The following TSPAN5 variants were observed in gnomAD, a reference collection of about 807,000 sequenced individuals.
TSPAN5 encodes tetraspanin 5.
In TSPAN5, 10 loss-of-function variants were observed where a neutral mutation model predicts 37.1. The observed-to-expected ratio is 0.27, with a 90% CI of 0.17 to 0.46. The LOEUF (loss-of-function observed/expected upper bound fraction) is 0.46. Among genes scored for constraint, TSPAN5 ranks in the 20% least tolerant of loss-of-function variants. The pLI, the probability that TSPAN5 is intolerant of heterozygous loss-of-function variation, is 1.00. For missense variants in TSPAN5, 195 were observed against 326.6 expected (o/e 0.60, Z 3.11); for synonymous variants, 110 against 118.9 (o/e 0.93, Z 0.48).
chr4:98,576,014 A>G (rs2110188692), intron 1 of TSPAN5, among the ~76,000 whole-genome samples: 2 of 152,266 alleles, frequency 1.3e-5, no homozygotes, highest in African/African-American at 4.8e-5. Context: ...GATTGCAGTA[A>G]GCTGAGATGG....
intron 1 of TSPAN5, among the ~76,000 whole-genome samples, chr4:98,528,945 C>T (rs1346916174): frequency 1.1e-4 from 16 of 152,148 alleles, no homozygotes. Flanking sequence ...GGGAGAGGTA[C>T]TGTTATTATT....
At chr4:98,618,122 G>T (rs956758329) in intron 1 of TSPAN5, among the ~76,000 whole-genome samples, 6 of 152,148 alleles carry the variant, frequency 3.9e-5, no homozygotes, top group African/African-American at 1.4e-4. Context: ...AAGCAAACAG[G>T]TCCATGCATT....
intron 1 of TSPAN5, among the ~76,000 whole-genome samples, chr4:98,525,662 C>T (rs1753945007): frequency 6.6e-6 from 1 of 151,120 alleles, no homozygotes; most frequent in South Asian, 2.1e-4. Context: ...CTGCAACCTC[C>T]ACCTCCTGAG....
intron 1 of TSPAN5, among the ~76,000 whole-genome samples, chr4:98,532,207 GT>G (rs1383581132): frequency 2.6e-5 from 4 of 152,128 alleles, no homozygotes; most frequent in African/African-American, 9.7e-5. Context: ...GTTTAAAGTA[GT>G]TTTTTCCAAT....
At chr4:98,556,035 G>GCCCCCCCCCCCC (rs1336277699) in intron 1 of TSPAN5, among the ~76,000 whole-genome samples, 1 of 47,964 alleles carries the variant, frequency 2.1e-5, no homozygotes, top group South Asian at 8.4e-4. Flanking sequence ...CACACACACA[G>GCCCCCCCCCCCC]CACCCCCACA....
chr4:98,514,175 C>T (rs569358386), intron 1 of TSPAN5, among the ~76,000 whole-genome samples: 1 of 152,064 alleles, frequency 6.6e-6, no homozygotes, highest in Non-Finnish European at 1.5e-5. Flanking sequence ...TTAATCCCTG[C>T]CTGAATAAAC....
chr4:98,624,631 T>C (rs1756553412), intron 1 of TSPAN5, among the ~76,000 whole-genome samples: 1 of 152,156 alleles, frequency 6.6e-6, no homozygotes, highest in South Asian at 2.1e-4. Flanking sequence ...CCACAGTACA[T>C]AAGAAAAAGT....
intron 2 of TSPAN5, among the ~76,000 whole-genome samples, chr4:98,498,472 CAA>C (rs1753265741): frequency 1.3e-5 from 2 of 152,106 alleles, no homozygotes; most frequent in South Asian, 4.2e-4. Flanking sequence ...ATCTGAAAAC[CAA>C]AGTGAGTAGG....
At chr4:98,550,394 A>C (rs998526510) in intron 1 of TSPAN5, among the ~76,000 whole-genome samples, 1 of 151,864 alleles carries the variant, frequency 6.6e-6, no homozygotes, top group Non-Finnish European at 1.5e-5. Context: ...GAATTTTAGG[A>C]TTGGGTTTTT....
At chr4:98,566,826 G>A (rs1363332540) in intron 1 of TSPAN5, among the ~76,000 whole-genome samples, 2 of 152,224 alleles carry the variant, frequency 1.3e-5, no homozygotes, top group Non-Finnish European at 2.9e-5. Context: ...CCCTTGGCAG[G>A]GGCACCGCAC....
chr4:98,470,600 C>T lies in TSPAN5; in HGVS notation c.*1922G>A, dbSNP rs1164623368. ...CAAATGATGCCAACTGGAGAGAGCT[C>T]GTGTCTTCTCCATGTTGGAAGGACA... On this transcript the variant is annotated 3_prime_UTR_variant, in exon 8 of 8. Transcript: ENST00000305798. 1.3e-5 allele frequency: 2 copies of T among 152,134 alleles called. No homozygotes were observed. The highest frequency in any genetic ancestry group is 2.4e-5 in the African/African-American group (1 of 41,412). The allele number at this position is 152,134 out of a possible 1,614,324, so 9.4% of individuals were successfully genotyped here. A position where few individuals can be genotyped will look rare whatever the true frequency, so the allele number is the denominator to read the frequency against.
intron 1 of TSPAN5, among the ~76,000 whole-genome samples, chr4:98,608,768 C>T (rs998736569): frequency 5.3e-5 from 8 of 152,208 alleles, no homozygotes; most frequent in African/African-American, 1.7e-4. Context: ...GTGTCTTCTT[C>T]ATCAGTCTCT....
At chr4:98,602,215 G>A (rs1313386549) in intron 1 of TSPAN5, among the ~76,000 whole-genome samples, 4 of 152,022 alleles carry the variant, frequency 2.6e-5, no homozygotes, top group African/African-American at 9.7e-5. Context: ...CTCCATGAAG[G>A]GTTGCCACAA....
At chr4:98,540,732 G>A (rs775784963) in intron 1 of TSPAN5, among the ~76,000 whole-genome samples, 13 of 152,114 alleles carry the variant, frequency 8.5e-5, no homozygotes, top group Non-Finnish European at 1.6e-4. Context: ...GGGATAATGG[G>A]GAGTTGAACA....
chr4:98,589,907 T>C (rs976878900), intron 1 of TSPAN5, among the ~76,000 whole-genome samples: 9 of 152,340 alleles, frequency 5.9e-5, no homozygotes, highest in African/African-American at 1.7e-4. Context: ...AAGAATCTGC[T>C]GAGTTATTTC....
rs151150244 is a variant in TSPAN5 at position 98,502,807 on chromosome 4, T to C, written c.132+4871A>G. ...AAAGGAAATTTCTAGTGACATGTCA[T>C]TGGGCTCTGTCCTTGGCCTGCTCAA... On this transcript the variant is annotated intron_variant, in intron 2 of 7. Transcript: ENST00000305798. Among the ~76,000 whole-genome samples the C allele has an allele frequency of 5.3e-3, 812 of 151,892 alleles. 10 individuals are homozygous for C. Among genetic ancestry groups the C allele is most frequent in the African/African-American group, 0.017 (709 of 41,376 alleles).
At chr4:98,629,397 T>C (rs1222600964) in intron 1 of TSPAN5, among the ~76,000 whole-genome samples, 1 of 152,202 alleles carries the variant, frequency 6.6e-6, no homozygotes, top group Non-Finnish European at 1.5e-5. Flanking sequence ...AGCTGATACA[T>C]ACAAACAGCA....
chr4:98,604,635 G>A (rs558475944), intron 1 of TSPAN5, among the ~76,000 whole-genome samples: 2 of 152,142 alleles, frequency 1.3e-5, no homozygotes, highest in Non-Finnish European at 2.9e-5. Context: ...TAAGATGTAC[G>A]AACAAACTAG....
At chr4:98,652,004 C>A (rs1757198942) in intron 1 of TSPAN5, among the ~76,000 whole-genome samples, 1 of 151,470 alleles carries the variant, frequency 6.6e-6, no homozygotes, top group African/African-American at 2.4e-5. Context: ...GCACGCATCA[C>A]CACACCCAGC....
Sources: gnomAD v4.1 joint callset for allele counts (sites outside exome capture counted in the v4.1 genomes callset) on GRCh38, gnomAD v4.1.1 for gene constraint, MANE v1.5 for transcripts, NCBI Gene and HGNC (gene_info 2026-07-23, HGNC 2026-07-21) for gene names.